The following CNTN6 variants were observed in gnomAD, a reference collection of about 807,000 sequenced individuals.
CNTN6 encodes contactin 6.
CNTN6 carries 137 observed loss-of-function variants against 122.8 expected under a neutral mutation model. That is an observed-to-expected ratio of 1.12 (90% CI 0.97 to 1.29). CNTN6 has a LOEUF of 1.29. CNTN6 is among the 50% of genes most tolerant of loss of function. CNTN6 has a pLI of 0.00. For missense variants in CNTN6, 1,634 were observed against 1,223.4 expected (o/e 1.34, Z -5.01); for synonymous variants, 570 against 426.0 (o/e 1.34, Z -4.16).
chr3:1,378,937 C>G (rs1023779607), intron 17 of CNTN6, among the ~76,000 whole-genome samples: 2 of 152,252 alleles, frequency 1.3e-5, no homozygotes, highest in African/African-American at 2.4e-5. Flanking sequence ...CCATAAAACA[C>G]TGACTTTCAA....
intron 11 of CNTN6, among the ~76,000 whole-genome samples, chr3:1,348,924 A>G (rs1473282836): frequency 2.0e-5 from 3 of 152,042 alleles, no homozygotes; most frequent in Non-Finnish European, 4.4e-5. Context: ...ATAATATGTC[A>G]TAGCCTCCAT....
chr3:1,347,779 T>C (rs1408323218), intron 11 of CNTN6, among the ~76,000 whole-genome samples: 3 of 152,076 alleles, frequency 2.0e-5, no homozygotes, highest in Middle Eastern at 3.2e-3. Context: ...AATTAGAGCA[T>C]TGTAGATCAA....
chr3:1,328,859 C>T (rs1235022018), intron 10 of CNTN6, among the ~76,000 whole-genome samples: 1 of 151,598 alleles, frequency 6.6e-6, no homozygotes, highest in Admixed American at 6.6e-5. Flanking sequence ...TTCAGAGGCA[C>T]CCTGATAGCC....
At chr3:1,239,561 T>A (rs2136148) in intron 4 of CNTN6, among the ~76,000 whole-genome samples, 107,192 of 152,098 alleles carry the variant, frequency 0.7, 39,283 homozygotes, top group East Asian at 0.91. Flanking sequence ...ATGCTCATGG[T>A]TGGGGAGAAT....
Position 1,325,969 on chromosome 3 carries a change from T to C in CNTN6, c.1083+18T>C. On this transcript the variant is annotated intron_variant, in intron 9 of 22. Coordinates refer to ENST00000446702, the MANE Select transcript of CNTN6 (RefSeq NM_001289080.2). The stretch of plus-strand genomic sequence containing the variant: ...ACCCAGAGGTAAGCAACTATGTTGA[T>C]ATTAAAAGTTTACCTACTCTACTAG... The C allele has an allele frequency of 6.3e-7, 1 of 1,598,466 alleles. No homozygotes were observed.
At chr3:1,395,730 G>A (rs1694906127) in intron 20 of CNTN6, among the ~76,000 whole-genome samples, 1 of 152,150 alleles carries the variant, frequency 6.6e-6, no homozygotes, top group Admixed American at 6.5e-5. Context: ...ATGTGATCAT[G>A]TTTTGGGGGA....
At chr3:1,386,305 T>TC (rs1444318884) in intron 20 of CNTN6, among the ~76,000 whole-genome samples, 3 of 152,200 alleles carry the variant, frequency 2.0e-5, no homozygotes, top group African/African-American at 7.2e-5. Flanking sequence ...TCACATGTGA[T>TC]CCTACAACTG....
chr3:1,254,538 A>G (rs918886360), intron 4 of CNTN6, among the ~76,000 whole-genome samples: 2 of 152,126 alleles, frequency 1.3e-5, no homozygotes, highest in Admixed American at 6.5e-5. Flanking sequence ...TTATTGAGCT[A>G]TTATCATGTG....
intron 1 of CNTN6, among the ~76,000 whole-genome samples, chr3:1,094,862 A>C (rs1459965735): frequency 6.6e-6 from 1 of 151,996 alleles, no homozygotes; most frequent in Non-Finnish European, 1.5e-5. Flanking sequence ...ATATTTGCTT[A>C]TTTATTCACT....
intron 1 of CNTN6, among the ~76,000 whole-genome samples, chr3:1,138,501 T>G: frequency 6.6e-6 from 1 of 152,158 alleles, no homozygotes; most frequent in East Asian, 1.9e-4. Flanking sequence ...TTTACTGTTT[T>G]GGCCGATACT....
chr3:1,373,103 A>G, intron 14 of CNTN6, 148 bp downstream of exon 14: 1 of 562,336 alleles, frequency 1.8e-6, no homozygotes, highest in Non-Finnish European at 3.1e-6. Context: ...CCAGGACTCC[A>G]TGGTATGGGT....
intron 20 of CNTN6, among the ~76,000 whole-genome samples, chr3:1,386,359 G>GCTTA (rs1013372729): frequency 2.6e-5 from 4 of 152,126 alleles, no homozygotes; most frequent in Admixed American, 6.5e-5. Context: ...TATTACTACA[G>GCTTA]CTTACTTGGA....
chr3:1,220,691 T>C lies in CNTN6; in HGVS notation c.60T>C (p.Asp20=). ...LLPLINSSAG[D]GLLSRPIFTQ... ...TTTATTCTTTTCTTTTCCCAGGTGA[T>C]GGTCTTTTAAGCCGTCCTATTTTTA... Residue 20 remains aspartate, a synonymous_variant, in exon 3 of 23, where the codon GAT becomes GAC. Coordinates refer to ENST00000446702, the MANE Select transcript of CNTN6 (RefSeq NM_001289080.2). 1 of 1,604,402 alleles carries C rather than the reference T, an allele frequency of 6.2e-7. No homozygotes were observed. Among genetic ancestry groups the C allele is most frequent in the Admixed American group, 1.7e-5 (1 of 57,944 alleles).
intron 16 of CNTN6, among the ~76,000 whole-genome samples, chr3:1,375,861 T>C (rs1709783799): frequency 1.3e-5 from 2 of 152,164 alleles, no homozygotes; most frequent in South Asian, 4.1e-4. Context: ...GACTATTTTC[T>C]GGTCATGTTT....
intron 17 of CNTN6, among the ~76,000 whole-genome samples, chr3:1,382,642 A>G (rs1559979583): frequency 2.0e-5 from 3 of 152,202 alleles, no homozygotes; most frequent in Admixed American, 1.3e-4. Flanking sequence ...AGTGTGTATC[A>G]TAAAATCTTT....
chr3:1,120,113 T>C (rs2091893905), intron 1 of CNTN6, among the ~76,000 whole-genome samples: 1 of 150,720 alleles, frequency 6.6e-6, no homozygotes, highest in African/African-American at 2.4e-5. Context: ...GTTTATCCAT[T>C]CACCTATTGA....
intron 4 of CNTN6, 58 bp from the exon 5 acceptor site, chr3:1,278,355 T>A: frequency 8.4e-7 from 1 of 1,196,868 alleles, no homozygotes; most frequent in Non-Finnish European, 1.2e-6. Context: ...GATTCTTCTT[T>A]AAAATATTTA....
intron 7 of CNTN6, among the ~76,000 whole-genome samples, chr3:1,318,861 G>A (rs1005867426): frequency 1.3e-5 from 2 of 151,752 alleles, no homozygotes; most frequent in Non-Finnish European, 1.5e-5. Flanking sequence ...TCCAAAAAGA[G>A]ATAACATGTA....
At chr3:1,387,923 T>C (rs1413356094) in intron 20 of CNTN6, among the ~76,000 whole-genome samples, 1 of 151,678 alleles carries the variant, frequency 6.6e-6, no homozygotes, top group African/African-American at 2.4e-5. Context: ...GCCCACGGAA[T>C]CTCGCTGATT....
Sources: allele counts gnomAD v4.1 joint callset (sites outside exome capture counted in the v4.1 genomes callset), GRCh38; gene constraint gnomAD v4.1.1; transcripts MANE v1.5; gene names NCBI Gene and HGNC (gene_info 2026-07-23, HGNC 2026-07-21).